Variants in LYST observed in about 807,000 individuals in gnomAD.
LYST encodes lysosomal-trafficking regulator.
In LYST, 192 loss-of-function variants were observed where a neutral mutation model predicts 413.6. That is an observed-to-expected ratio of 0.46 (90% confidence interval 0.41 to 0.52). The LOEUF (loss-of-function observed/expected upper bound fraction) is 0.52, where lower values mean the gene tolerates loss of function less well. Among genes scored for constraint, LYST ranks in the 20% least tolerant of loss-of-function variants. The pLI is 0.00. For synonymous variants in LYST, 1,525 were observed against 1,567.3 expected, an observed-to-expected ratio of 0.97 and a Z score of 0.64; for missense variants, 3,815 against 4,499.9, an observed-to-expected ratio of 0.85 and a Z score of 4.35.
intron 28 of LYST, 32 bp from the exon 29 acceptor site, chr1:235,746,559 C>T (rs1164158091): frequency 2.0e-6 from 3 of 1,514,888 alleles, no homozygotes; most frequent in East Asian, 2.3e-5. Flanking sequence ...AACATCAAAT[C>T]CCAGTGTTAA....
At chr1:235,872,133 T>C (rs1285591810) in intron 1 of LYST, among the ~76,000 whole-genome samples, 1 of 151,804 alleles carries the variant, frequency 6.6e-6, no homozygotes, top group Non-Finnish European at 1.5e-5. Context: ...CAGTCTCTAC[T>C]AAAAATACAA....
At chr1:235,808,025 A>C (rs1357994191) in intron 5 of LYST, among the ~76,000 whole-genome samples, 1 of 152,160 alleles carries the variant, frequency 6.6e-6, no homozygotes, top group Non-Finnish European at 1.5e-5. Flanking sequence ...CTTTGTAAAC[A>C]TTTTCAATGG....
intron 36 of LYST, among the ~76,000 whole-genome samples, chr1:235,730,091 A>C (rs12239943): frequency 0.041 from 6,242 of 151,854 alleles, 423 homozygotes; most frequent in African/African-American, 0.14. Flanking sequence ...GTAATTTATC[A>C]AATACATTTT....
Position 235,788,730 on chromosome 1 carries a change from A to G in LYST, c.4659T>C (p.Ala1553=), listed in dbSNP as rs376036029. The G allele has an allele frequency of 6.2e-7, 1 of 1,613,548 alleles. No homozygotes were observed. The highest frequency in any genetic ancestry group is 8.5e-7 in the Non-Finnish European group (1 of 1,179,676). The change falls in exon 13 of 53, where the codon GCT becomes GCC. Residue 1553 remains alanine (A), a synonymous_variant. Transcript: ENST00000389793. The part of the protein sequence containing the change: ...GSKALMIQVW[A]DPHNATLIFR... ...AGATAAGAGTGGCATTGTGGGGATC[A>G]GCCCACACTTGGATCATCAACGCTT...
At chr1:235,864,541 C>A (rs1432188217) in intron 1 of LYST, among the ~76,000 whole-genome samples, 1 of 152,192 alleles carries the variant, frequency 6.6e-6, no homozygotes, top group Non-Finnish European at 1.5e-5. Context: ...ATTAGGGCAA[C>A]AGTTCCGGAT....
chr1:235,843,108 C>A (rs1411960484), intron 1 of LYST, among the ~76,000 whole-genome samples: 4 of 152,126 alleles, frequency 2.6e-5, no homozygotes, highest in Non-Finnish European at 5.9e-5. Context: ...TCAAGCTCAA[C>A]AACAGGGCAA....
rs753723846 is a variant in LYST, at chr1:235,759,037, A to G, written c.6816T>C (p.Asp2272=). Residue 2272 remains aspartate (D), a synonymous_variant, in exon 23 of 53, where the codon GAT becomes GAC. Coordinates refer to ENST00000389793, the MANE Select transcript of LYST (RefSeq NM_000081.4). ...CAAGAGAATAGGCAAAGTTTTCCCA[A>G]TCATCAGTGTTTCTATCAACAAGAC... is the stretch of plus-strand genomic sequence containing the variant. ...WPSLVDRNTD[D]WENFAYSLGY... The G allele has an allele frequency of 7.4e-6, 12 of 1,614,078 alleles. No individual in the cohort carries two copies. Among genetic ancestry groups the G allele is most frequent in the Non-Finnish European group, 1.0e-5 (12 of 1,179,998 alleles).
Position 235,805,755 on chromosome 1 carries a change from C to T in LYST, c.3381G>A (p.Glu1127=), listed in dbSNP as rs758794881. 8.1e-6 allele frequency: 13 copies of T among 1,612,362 alleles called. No homozygotes were observed. Among genetic ancestry groups the T allele is most frequent in the South Asian group, 1.1e-5 (1 of 91,060 alleles). ...GACAAGGTATTACCTGATTAGGTAA[C>T]TCCAATTCCATCTTCTGTTGACTAG... The part of the protein sequence containing the change: ...ARTSQQKMEL[E]LPNQNLSVES... The change falls in exon 6 of 53, where the codon GAG becomes GAA. Residue 1127 remains glutamate (E), a synonymous_variant. Transcript: ENST00000389793.
At chr1:235,793,658 G>T in intron 10 of LYST, 46 bp from the exon 11 acceptor site, 1 of 997,408 alleles carries the variant, frequency 1.0e-6, no homozygotes, top group South Asian at 1.3e-5. Flanking sequence ...TACACAATTA[G>T]AGGAATAAAT....
chr1:235,808,225 G>A (rs1028455838), intron 5 of LYST, among the ~76,000 whole-genome samples: 3 of 152,090 alleles, frequency 2.0e-5, no homozygotes, highest in Admixed American at 6.6e-5. Flanking sequence ...TAAACAAATG[G>A]TTAAAACAAA....
chr1:235,822,206 C>T (rs1378903488), intron 3 of LYST, among the ~76,000 whole-genome samples: 1 of 152,142 alleles, frequency 6.6e-6, no homozygotes, highest in African/African-American at 2.4e-5. Flanking sequence ...ATATTATGGG[C>T]TAATTGTTAT....
Position 235,782,021 on chromosome 1 carries a change from T to C in LYST, c.4929A>G (p.Lys1643=), listed in dbSNP as rs750662250. Residue 1643 remains lysine (K), a synonymous_variant, in exon 15 of 53, where the codon AAA becomes AAG. Transcript: ENST00000389793. The part of the protein sequence containing the change: ...RKTSLSSDSN[K]TFCMIGHCLS... Reference sequence around the variant, plus strand: ...AACAATGGCCAATCATGCAAAATGTTTTATTGCTATCAGATGACAAACTTG... The same window carrying C: ...AACAATGGCCAATCATGCAAAATGTCTTATTGCTATCAGATGACAAACTTG... 1.9e-6 allele frequency: 3 copies of C among 1,612,812 alleles called. 1 individual carries two copies. The highest frequency in any genetic ancestry group is 8.5e-7 in the Non-Finnish European group (1 of 1,178,834).
Position 235,661,404 on chromosome 1 carries a change from T to A in LYST, c.*1536A>T, listed in dbSNP as rs1031487741. 1.3e-5 allele frequency: 2 copies of A among 152,300 alleles called. No homozygotes were observed. The highest frequency in any genetic ancestry group is 4.8e-5 in the African/African-American group (2 of 41,408). 9.4% of individuals were successfully genotyped at this position (152,300 alleles called of 1,614,324 possible). On this transcript the variant is annotated 3_prime_UTR_variant, in exon 53 of 53. Transcript: ENST00000389793. ...TGCAATTTTTTGTTAACAAAGCAAA[T>A]CACTTCAACGTGAATAGGAGTAATC...
At chr1:235,718,975 A>G (rs1396831825) in intron 40 of LYST, among the ~76,000 whole-genome samples, 1 of 152,092 alleles carries the variant, frequency 6.6e-6, no homozygotes, top group Non-Finnish European at 1.5e-5. Context: ...AGACTATCCT[A>G]TCTTTGGCAG....
intron 31 of LYST, chr1:235,738,333 GTA>G (rs1665001033): frequency 1.2e-6 from 2 of 1,611,852 alleles, no homozygotes; most frequent in Non-Finnish European, 1.7e-6. Context: ...TTGGTCCAGT[GTA>G]ATGTGAACAT....
intron 3 of LYST, among the ~76,000 whole-genome samples, 200 bp from the exon 4 acceptor site, chr1:235,813,261 A>G (rs190257717): frequency 8.2e-4 from 125 of 152,364 alleles, no homozygotes; most frequent in East Asian, 7.3e-3. Context: ...TGATAGAAGA[A>G]TCTAAGAGTA....
Position 235,720,643 on chromosome 1 carries a change from A to G in LYST, c.9560+18T>C. ...TATGGATGGATGAACCCTAAAGGTGATGATTCTTTTAACTTACCTGTATAT... is the reference window on the plus strand; with the variant it reads ...TATGGATGGATGAACCCTAAAGGTGGTGATTCTTTTAACTTACCTGTATAT... On this transcript the variant is annotated intron_variant, in intron 40 of 52. Coordinates refer to ENST00000389793, the MANE Select transcript of LYST (RefSeq NM_000081.4). The G allele has an allele frequency of 6.2e-7, 1 of 1,612,422 alleles. No individual in the cohort carries two copies. The highest frequency in any genetic ancestry group is 2.2e-5 in the East Asian group (1 of 44,848).
intron 34 of LYST, among the ~76,000 whole-genome samples, 175 bp from the exon 35 acceptor site, chr1:235,731,352 A>T (rs1664362563): frequency 6.6e-6 from 1 of 152,194 alleles, no homozygotes; most frequent in African/African-American, 2.4e-5. Context: ...AATAAAATCT[A>T]AGTGTCTTTT....
chr1:235,801,174 A>G (rs1394659519), intron 8 of LYST, 77 bp from the exon 9 acceptor site: 2 of 949,340 alleles, frequency 2.1e-6, no homozygotes, highest in Middle Eastern at 4.2e-4. Context: ...CATTTAGAAG[A>G]TCTAGTGGCA....
Sources: allele counts gnomAD v4.1 joint callset (sites outside exome capture counted in the v4.1 genomes callset), GRCh38; gene constraint gnomAD v4.1.1; transcripts MANE v1.5; gene names NCBI Gene and HGNC (gene_info 2026-07-23, HGNC 2026-07-21).